The following B4GALT5 variants were observed in gnomAD, a reference collection of about 807,000 sequenced individuals.
The protein encoded by B4GALT5 is UDP-Gal:beta-GlcNAc beta-1,4-galactosyltransferase 5.
Under a neutral mutation model 45.0 loss-of-function variants are expected in B4GALT5, and 11 were observed. That is an observed-to-expected ratio of 0.24 (90% confidence interval 0.15 to 0.40). The LOEUF (loss-of-function observed/expected upper bound fraction) is 0.40, where lower values mean the gene tolerates loss of function less well. B4GALT5 is among the 10% of genes least tolerant of loss of function. The pLI, the probability that B4GALT5 is intolerant of heterozygous loss-of-function variation, is 1.00. For synonymous variants in B4GALT5, 185 were observed against 182.9 expected (o/e 1.01, Z -0.09); for missense variants, 337 against 500.2 (o/e 0.67, Z 3.11).
At chr20:49,698,043 C>T (rs577361986) in intron 1 of B4GALT5, among the ~76,000 whole-genome samples, 9 of 152,204 alleles carry the variant, frequency 5.9e-5, no homozygotes, top group African/African-American at 1.7e-4. Flanking sequence ...AATTTCCAGC[C>T]GGGCGCGGTG....
intron 1 of B4GALT5, among the ~76,000 whole-genome samples, chr20:49,688,429 T>G (rs1203353575): frequency 6.6e-6 from 1 of 151,822 alleles, no homozygotes; most frequent in Non-Finnish European, 1.5e-5. Flanking sequence ...TTCCAAAGAG[T>G]AGAGGCAAAC....
intron 1 of B4GALT5, among the ~76,000 whole-genome samples, chr20:49,657,227 T>A (rs2085647260): frequency 6.6e-6 from 1 of 152,138 alleles, no homozygotes; most frequent in Non-Finnish European, 1.5e-5. Context: ...CACTTACCCT[T>A]GGGAGATTTG....
intron 1 of B4GALT5, among the ~76,000 whole-genome samples, chr20:49,710,935 T>C (rs1313039392): frequency 1.3e-5 from 2 of 152,002 alleles, no homozygotes; most frequent in African/African-American, 2.4e-5. Flanking sequence ...TTTTAAAAGT[T>C]AGCCAGGCAG....
At chr20:49,691,836 GT>G (rs1203843798) in intron 1 of B4GALT5, among the ~76,000 whole-genome samples, 4 of 152,066 alleles carry the variant, frequency 2.6e-5, no homozygotes. Context: ...TACACTGAAT[GT>G]ATTATTTTTA....
At chr20:49,701,066 T>C (rs1264275625) in intron 1 of B4GALT5, among the ~76,000 whole-genome samples, 1 of 152,234 alleles carries the variant, frequency 6.6e-6, no homozygotes, top group African/African-American at 2.4e-5. Context: ...AGCATGCTCC[T>C]TAGAAGACTT....
At chr20:49,683,959 A>G (rs1336510721) in intron 1 of B4GALT5, among the ~76,000 whole-genome samples, 1 of 151,146 alleles carries the variant, frequency 6.6e-6, no homozygotes, top group East Asian at 2.0e-4. Context: ...TGGCCAACAT[A>G]GTAAAACCCT....
At chr20:49,679,704 C>A (rs1341395368) in intron 1 of B4GALT5, among the ~76,000 whole-genome samples, 2 of 151,848 alleles carry the variant, frequency 1.3e-5, no homozygotes, top group East Asian at 3.8e-4. Flanking sequence ...AAAACAAAAA[C>A]CTTGTTTCAC....
intron 1 of B4GALT5, among the ~76,000 whole-genome samples, chr20:49,711,893 T>C (rs1180150800): frequency 6.6e-6 from 1 of 152,224 alleles, no homozygotes; most frequent in Non-Finnish European, 1.5e-5. Context: ...TTCAGCTAGT[T>C]CTGCGTTGAC....
chr20:49,647,825 C>A (rs975728435), intron 2 of B4GALT5, among the ~76,000 whole-genome samples: 1 of 151,962 alleles, frequency 6.6e-6, no homozygotes, highest in African/African-American at 2.4e-5. Flanking sequence ...TTCTTCCATG[C>A]CAAATGTGCT....
chr20:49,712,354 G>C (rs960870509), intron 1 of B4GALT5, among the ~76,000 whole-genome samples: 1 of 151,804 alleles, frequency 6.6e-6, no homozygotes, highest in South Asian at 2.1e-4. Flanking sequence ...TGGAATCCAA[G>C]TCTGACCTCT....
intron 7 of B4GALT5, among the ~76,000 whole-genome samples, chr20:49,638,929 A>G (rs1027988660): frequency 7.3e-5 from 10 of 136,718 alleles, no homozygotes; most frequent in Admixed American, 7.5e-5. Context: ...TCCTGTTTAC[A>G]GAGTATTTAA....
intron 2 of B4GALT5, among the ~76,000 whole-genome samples, chr20:49,652,959 G>A (rs1211966362): frequency 6.6e-6 from 1 of 152,186 alleles, no homozygotes; most frequent in East Asian, 1.9e-4. Context: ...CAGCAGTGCT[G>A]GGCCCAGAAT....
intron 1 of B4GALT5, among the ~76,000 whole-genome samples, chr20:49,703,067 G>T (rs939803469): frequency 6.7e-6 from 1 of 148,552 alleles, no homozygotes; most frequent in South Asian, 2.1e-4. Context: ...CCAGCTACTC[G>T]ACAGTCTGAG....
chr20:49,665,982 G>A (rs554007061), intron 1 of B4GALT5, among the ~76,000 whole-genome samples: 1 of 152,196 alleles, frequency 6.6e-6, no homozygotes, highest in South Asian at 2.1e-4. Flanking sequence ...AGGGCTTCAC[G>A]CACTATACTT....
chr20:49,674,404 G>A (rs533442281), intron 1 of B4GALT5, among the ~76,000 whole-genome samples: 2 of 152,148 alleles, frequency 1.3e-5, no homozygotes, highest in African/African-American at 4.8e-5. Flanking sequence ...GCACTGCGGG[G>A]TTTTTCTATG....
At chr20:49,697,296 G>A (rs1246093695) in intron 1 of B4GALT5, among the ~76,000 whole-genome samples, 3 of 152,246 alleles carry the variant, frequency 2.0e-5, no homozygotes, top group Non-Finnish European at 2.9e-5. Flanking sequence ...CTCCTCAAGC[G>A]CAGCGGCGCC....
chr20:49,709,696 G>C lies in B4GALT5; in HGVS notation c.115+3880C>G, dbSNP rs558943895. ...AAGCAGGAGAATCCTTTGAACCTGG[G>C]GGGCAGAGGTTGCAGTGAGCTGAGA... On this transcript the variant is annotated intron_variant, in intron 1 of 8. Coordinates refer to ENST00000371711, the MANE Select transcript of B4GALT5 (RefSeq NM_004776.4). 2.6e-5 allele frequency among the ~76,000 whole-genome samples: 4 copies of C among 151,980 alleles called. No individual in the cohort carries two copies. The South Asian group carries it at 8.3e-4, about 32-fold the overall frequency.
intron 1 of B4GALT5, among the ~76,000 whole-genome samples, chr20:49,664,421 TACACACACACACAC>T (rs55990435): frequency 0.036 from 4,613 of 128,904 alleles, 97 homozygotes; most frequent in Non-Finnish European, 0.053. Context: ...GGTCTCCAAA[TACACACACACACAC>T]ACACACACAC....
intron 1 of B4GALT5, among the ~76,000 whole-genome samples, chr20:49,710,655 T>A (rs1444962015): frequency 1.3e-5 from 2 of 152,020 alleles, no homozygotes; most frequent in African/African-American, 4.8e-5. Flanking sequence ...CCTGACCTCA[T>A]GATCCACCCA....
Sources: allele counts gnomAD v4.1 joint callset (sites outside exome capture counted in the v4.1 genomes callset), GRCh38; gene constraint gnomAD v4.1.1; transcripts MANE v1.5; gene names NCBI Gene and HGNC (gene_info 2026-07-23, HGNC 2026-07-21).